CBR4: variants seen among roughly 807,000 people sequenced by gnomAD.
CBR4 encodes carbonyl reductase 4.
CBR4 carries 22 observed loss-of-function variants against 21.0 expected under a neutral mutation model. The observed-to-expected ratio is 1.05, with a 90% CI of 0.75 to 1.50. The LOEUF (loss-of-function observed/expected upper bound fraction) is 1.50, where lower values mean the gene tolerates loss of function less well. Among genes scored for constraint, CBR4 ranks in the 40% most tolerant of loss-of-function variants. CBR4 has a pLI of 0.00. For synonymous variants in CBR4, 100 were observed against 104.4 expected (o/e 0.96, Z 0.26); for missense variants, 302 against 286.3 (o/e 1.05, Z -0.40).
At position 168,969,908 on chromosome 4, in the gene CBR4, C is replaced by T. The variant is rs113317555; in HGVS notation, n.169+32163G>A. On this transcript the variant is annotated intron_variant and non_coding_transcript_variant, in intron 2 of 3. Transcript: ENST00000509108. Reference sequence around the variant, plus strand: ...TAATTCCTGCTGATGTTGGAGAAGGCCTGCCCTATATCAATTGATATTATC... The same window carrying T: ...TAATTCCTGCTGATGTTGGAGAAGGTCTGCCCTATATCAATTGATATTATC... Among the ~76,000 whole-genome samples, 211 of 152,260 alleles carry T rather than the reference C, an allele frequency of 1.4e-3. 2 individuals are homozygous for T. Among genetic ancestry groups the T allele is most frequent in the African/African-American group, 4.9e-3 (205 of 41,532 alleles).
At chr4:168,913,076 C>T (rs1052796015) in intron 2 of CBR4, among the ~76,000 whole-genome samples, 14 of 151,794 alleles carry the variant, frequency 9.2e-5, no homozygotes, top group Admixed American at 8.5e-4. Flanking sequence ...ATACTTCTTA[C>T]ATAACACTCA....
chr4:168,995,612 CT>C (rs3833625), intron 4 of CBR4, among the ~76,000 whole-genome samples: 103,556 of 151,730 alleles, frequency 0.68, 36,976 homozygotes, highest in East Asian at 0.96. Flanking sequence ...CCATATCATC[CT>C]TTCATTTCAT....
rs1764779309 is a variant in CBR4 at position 168,988,685 on chromosome 4, T to C, written c.*1465A>G. 2.0e-6 allele frequency: 2 copies of C among 980,822 alleles called. No individual in the cohort carries two copies. The highest frequency in any genetic ancestry group is 2.4e-6 in the Non-Finnish European group (2 of 825,784). The allele number at this position is 980,822 out of a possible 1,614,324, so 60.8% of individuals were successfully genotyped here. A position where few individuals can be genotyped will look rare whatever the true frequency, so the allele number is the denominator to read the frequency against. On this transcript the variant is annotated 3_prime_UTR_variant, in exon 5 of 5. Coordinates refer to ENST00000306193, the MANE Select transcript of CBR4 (RefSeq NM_032783.5). Reference sequence around the variant, plus strand: ...ACCACGTCTTGCATTTAATAGACAATTTGTTTAATGATACTAACTTTACTC... The same window carrying C: ...ACCACGTCTTGCATTTAATAGACAACTTGTTTAATGATACTAACTTTACTC...
chr4:168,899,510 A>C (rs1236187340), intron 2 of CBR4, among the ~76,000 whole-genome samples: 9 of 152,238 alleles, frequency 5.9e-5, no homozygotes, highest in Admixed American at 5.9e-4. Flanking sequence ...AGAAGCAAGC[A>C]AAAAGTTGCC....
chr4:168,900,490 T>TA (rs936287562), intron 2 of CBR4, among the ~76,000 whole-genome samples: 4 of 152,058 alleles, frequency 2.6e-5, no homozygotes, highest in African/African-American at 9.7e-5. Context: ...CTCAATGAAA[T>TA]AAAAAGCTTA....
At chr4:168,909,627 G>A (rs1758491554) in intron 2 of CBR4, among the ~76,000 whole-genome samples, 1 of 152,058 alleles carries the variant, frequency 6.6e-6, no homozygotes. Flanking sequence ...TTATTCTTAT[G>A]TTCATAGTAA....
At chr4:168,958,760 T>C (rs1763760240) in intron 2 of CBR4, among the ~76,000 whole-genome samples, 1 of 152,238 alleles carries the variant, frequency 6.6e-6, no homozygotes, top group Non-Finnish European at 1.5e-5. Flanking sequence ...TCTGGTGGTA[T>C]CTCATTGTGG....
chr4:168,998,273 A>T (rs1471520169), intron 4 of CBR4, among the ~76,000 whole-genome samples: 1 of 152,224 alleles, frequency 6.6e-6, no homozygotes, highest in Non-Finnish European at 1.5e-5. Context: ...TAAACTCCAT[A>T]CAAGTATTGT....
At chr4:168,972,855 G>C (rs906882717) in intron 2 of CBR4, among the ~76,000 whole-genome samples, 2 of 152,160 alleles carry the variant, frequency 1.3e-5, no homozygotes, top group Non-Finnish European at 2.9e-5. Context: ...TCTTGTTTCA[G>C]TTCTTAAAGG....
chr4:168,898,352 A>G (rs1013740811), intron 2 of CBR4: 21 of 692,180 alleles, frequency 3.0e-5, no homozygotes, highest in Non-Finnish European at 4.8e-5. Flanking sequence ...TTCATATGCA[A>G]TTGAATTGGG....
At chr4:169,008,682 C>G (rs185755286) in intron 1 of CBR4, among the ~76,000 whole-genome samples, 67 of 152,240 alleles carry the variant, frequency 4.4e-4, no homozygotes, top group African/African-American at 1.6e-3. Flanking sequence ...GACTTGTGTC[C>G]ACAACCACCT....
At chr4:168,972,028 C>T (rs1764227279) in intron 2 of CBR4, among the ~76,000 whole-genome samples, 1 of 152,186 alleles carries the variant, frequency 6.6e-6, no homozygotes, top group South Asian at 2.1e-4. Flanking sequence ...ATCTCAGCAC[C>T]ATTTGTTGAA....
intron 2 of CBR4, among the ~76,000 whole-genome samples, chr4:168,934,273 CA>C (rs1206272373): frequency 0.12 from 1,265 of 10,666 alleles, 46 homozygotes; most frequent in African/African-American, 0.26. Flanking sequence ...ACTAGAAAAG[CA>C]AAAAAAACAA....
In CBR4 at chr4:169,007,661, A is replaced by G; in HGVS notation, c.238T>C (p.Leu80=). 3.8e-6 allele frequency: 6 copies of G among 1,584,980 alleles called. No individual in the cohort carries two copies. Among genetic ancestry groups the G allele is most frequent in the Non-Finnish European group, 5.1e-6 (6 of 1,167,882 alleles). ...LEKHLGRVNF[L]VNAAGINRDG... ...CTGTTAATACCAGCTGCATTTACCA[A>G]GAAATTTACTCGACCTAAATGTTTC... Residue 80 remains leucine, a synonymous_variant, in exon 2 of 5, where the codon TTG becomes CTG. Coordinates refer to ENST00000306193, the MANE Select transcript of CBR4 (RefSeq NM_032783.5).
intron 2 of CBR4, among the ~76,000 whole-genome samples, chr4:168,982,100 C>T (rs1028775801): frequency 2.6e-5 from 4 of 152,148 alleles, no homozygotes; most frequent in Admixed American, 6.5e-5. Context: ...AGGTTAAATG[C>T]ACCTCTTAAA....
In CBR4 at chr4:169,002,123, A is replaced by G. The variant is rs1392719782; in HGVS notation, c.483T>C (p.Ala161=). 6.2e-7 allele frequency: 1 copy of G among 1,600,708 alleles called. No individual in the cohort carries two copies. Among genetic ancestry groups the G allele is most frequent in the Non-Finnish European group, 8.5e-7 (1 of 1,173,872 alleles). The change falls in exon 4 of 5, where the codon GCT becomes GCC. Residue 161 remains alanine (A), a synonymous_variant. Coordinates refer to ENST00000306193, the MANE Select transcript of CBR4 (RefSeq NM_032783.5). ...TCTTTCTTGCTACCTCTTTAGCAAG[A>G]GCACGTGAAAATCCAACTAATCCTC... ...SKGGLVGFSR[A]LAKEVARKKI... is the part of the protein sequence containing the mutation.
Position 168,990,178 on chromosome 4 carries a change from A to T in CBR4, c.686T>A (p.Val229Glu), listed in dbSNP as rs1426721219. The change falls in exon 5 of 5, where the codon GTG becomes GAG. Residue 229 changes from valine to glutamate, a missense_variant. By Grantham distance (121) the Val-to-Glu change is moderately radical. Coordinates refer to ENST00000306193, the MANE Select transcript of CBR4 (RefSeq NM_032783.5). ...SPYITGHVLV[V>E]DGGLQLIL Reference sequence around the variant, plus strand: ...CAAAATGAGTTGTAATCCCCCATCCACTACCAGAACATGCCCTGTAATATA... The same window carrying T: ...CAAAATGAGTTGTAATCCCCCATCCTCTACCAGAACATGCCCTGTAATATA... 40 of 1,608,140 alleles carry T rather than the reference A, an allele frequency of 2.5e-5. No homozygotes were observed. The highest frequency in any genetic ancestry group is 3.3e-5 in the Non-Finnish European group (39 of 1,177,576).
Position 168,963,540 on chromosome 4 carries a change from A to C in CBR4, n.169+38531T>G, listed in dbSNP as rs142936235. Reference sequence around the variant, plus strand: ...GCCTAGAGTCCTATGGTGTGATCTCAGCTCACTGCAACCTTCGCCTACTGG... The same window carrying C: ...GCCTAGAGTCCTATGGTGTGATCTCCGCTCACTGCAACCTTCGCCTACTGG... On this transcript the variant is annotated intron_variant and non_coding_transcript_variant, in intron 2 of 3. Coordinates refer to the CBR4 transcript ENST00000509108. Among the ~76,000 whole-genome samples, 573 of 147,660 alleles carry C rather than the reference A, an allele frequency of 3.9e-3. 6 individuals are homozygous for C. Among genetic ancestry groups the C allele is most frequent in the African/African-American group, 0.013 (507 of 39,798 alleles).
chr4:168,913,995 T>C lies in CBR4; in HGVS notation n.170-19230A>G. ...ACCAAAGAGGTCGAAGTCCCCGGTC[T>C]CCCTCAGGCCATCCTCATGTCAGAA... On this transcript the variant is annotated intron_variant and non_coding_transcript_variant, in intron 2 of 3. Transcript: ENST00000509108. The C allele has an allele frequency of 1.2e-6, 2 of 1,610,536 alleles. No individual in the cohort carries two copies. Among genetic ancestry groups the C allele is most frequent in the African/African-American group, 2.7e-5 (2 of 74,938 alleles).
Sources: gnomAD v4.1 joint callset for allele counts (sites outside exome capture counted in the v4.1 genomes callset) on GRCh38, gnomAD v4.1.1 for gene constraint, MANE v1.5 for transcripts, NCBI Gene and HGNC (gene_info 2026-07-23, HGNC 2026-07-21) for gene names.